Variants in OCRL observed in about 807,000 individuals in gnomAD.
The protein encoded by OCRL is OCRL inositol polyphosphate-5-phosphatase.
OCRL carries 8 observed loss-of-function variants against 78.9 expected under a neutral mutation model. The observed-to-expected ratio is 0.10, with a 90% CI of 0.06 to 0.18. The LOEUF (loss-of-function observed/expected upper bound fraction) is 0.18, where lower values mean the gene tolerates loss of function less well. Ranked by LOEUF, OCRL falls within the 10% of genes least tolerant of loss-of-function variation. The pLI is 1.00. For synonymous variants in OCRL, 240 were observed against 235.4 expected (o/e 1.02, Z -0.18); for missense variants, 454 against 696.7 (o/e 0.65, Z 3.92).
chrX:129,577,982 T>C (rs986565567), intron 18 of OCRL, among the ~76,000 whole-genome samples: 1 of 111,640 alleles, frequency 9.0e-6, no homozygotes, highest in Non-Finnish European at 1.9e-5. Context: ...AGCTTTTTAT[T>C]ATGAAAAATG....
At chrX:129,557,190 G>A (rs1936066143) in intron 4 of OCRL, 135 bp from the exon 5 acceptor site, 13 of 545,287 alleles carry the variant, frequency 2.4e-5, no homozygotes, top group Non-Finnish European at 3.7e-5. Flanking sequence ...GATCTTGTAT[G>A]TGTGCTTCCT....
chrX:129,548,949 A>G (rs1935924748), intron 4 of OCRL, among the ~76,000 whole-genome samples: 1 of 111,694 alleles, frequency 9.0e-6, no homozygotes, highest in Non-Finnish European at 1.9e-5. Flanking sequence ...TTATTGGTGG[A>G]GTTTTTTTGG....
intron 16 of OCRL, among the ~76,000 whole-genome samples, chrX:129,575,498 T>C (rs183953833): frequency 2.7e-5 from 3 of 112,144 alleles, no homozygotes; most frequent in African/African-American, 9.7e-5. Flanking sequence ...AGTTAATACA[T>C]GCAAAGCTCT....
At chrX:129,566,639 C>T (rs1936220761) in intron 13 of OCRL, among the ~76,000 whole-genome samples, 1 of 112,214 alleles carries the variant, frequency 8.9e-6, no homozygotes, top group African/African-American at 3.2e-5. Flanking sequence ...GTTATGAGAG[C>T]CTTTTCAACC....
chrX:129,541,299 C>T (rs1397307893), intron 2 of OCRL, among the ~76,000 whole-genome samples: 1 of 112,122 alleles, frequency 8.9e-6, no homozygotes, highest in African/African-American at 3.2e-5. Flanking sequence ...CCCTATTCAG[C>T]TGGTTTCTCC....
intron 4 of OCRL, among the ~76,000 whole-genome samples, chrX:129,556,521 G>A (rs1452815190): frequency 8.9e-6 from 1 of 111,964 alleles, no homozygotes; most frequent in Non-Finnish European, 1.9e-5. Flanking sequence ...TAATAAATCA[G>A]TTACAATAAG....
At chrX:129,546,169 A>G (rs1258292886) in intron 3 of OCRL, among the ~76,000 whole-genome samples, 1 of 112,497 alleles carries the variant, frequency 8.9e-6, no homozygotes, top group African/African-American at 3.2e-5. Context: ...CCATCCTTTC[A>G]GAGATAAACA....
At chrX:129,550,403 A>G (rs1310415847) in intron 4 of OCRL, among the ~76,000 whole-genome samples, 1 of 112,173 alleles carries the variant, frequency 8.9e-6, no homozygotes, top group East Asian at 2.8e-4. Flanking sequence ...TTTAAAAACC[A>G]AATATTTCAC....
rs1204553803 is a variant in OCRL at position 129,559,012 on chromosome X, C to T, written c.722+11C>T. The T allele has an allele frequency of 1.7e-6, 2 of 1,203,283 alleles. No homozygotes were observed. The highest frequency in any genetic ancestry group is 1.7e-5 in the African/African-American group (1 of 57,537). On this transcript the variant is annotated intron_variant, in intron 8 of 23. Coordinates refer to ENST00000371113, the MANE Select transcript of OCRL (RefSeq NM_000276.4). ...CATTCAGACTTTCAGGTTAGTGTCT[C>T]TTTTGCTTCCTGAGTCTAAAAAGTT... is the stretch of plus-strand genomic sequence containing the variant.
chrX:129,575,643 T>C, intron 16 of OCRL: 1 of 418,828 alleles, frequency 2.4e-6, no homozygotes, highest in Non-Finnish European at 4.2e-6. Context: ...AAGGTTGGGT[T>C]ACCCTCTTAG....
chrX:129,582,554 T>G (rs1450796865), intron 18 of OCRL, among the ~76,000 whole-genome samples: 1 of 112,579 alleles, frequency 8.9e-6, no homozygotes, highest in Non-Finnish European at 1.9e-5. Flanking sequence ...ATGTGTCAGA[T>G]AGATTCTTCA....
rs1202964628 is a variant in OCRL at position 129,557,449 on chromosome X, C to T, written c.349+14C>T. 1.7e-6 allele frequency: 2 copies of T among 1,167,718 alleles called. No homozygotes were observed. The highest frequency in any genetic ancestry group is 2.3e-6 in the Non-Finnish European group (2 of 856,607). Reference sequence around the variant, plus strand: ...CTGCTCAGAAAGGTAACTAAAGACTCAGCGATTTTCTTTCTTCTATTTCAA... The same window carrying T: ...CTGCTCAGAAAGGTAACTAAAGACTTAGCGATTTTCTTTCTTCTATTTCAA... On this transcript the variant is annotated intron_variant, in intron 5 of 23. Coordinates refer to ENST00000371113, the MANE Select transcript of OCRL (RefSeq NM_000276.4).
rs962254535 is a variant in OCRL, at chrX:129,544,815, C to T, written c.120-143C>T. The T allele has an allele frequency of 4.5e-5, 23 of 505,686 alleles. No homozygotes were observed. In the East Asian group the frequency reaches 8.4e-4, roughly 18 times the overall value. 41.7% of individuals were successfully genotyped at this position (505,686 alleles called of 1,213,427 possible). On this transcript the variant is annotated intron_variant, in intron 2 of 23. Coordinates refer to ENST00000371113, the MANE Select transcript of OCRL (RefSeq NM_000276.4). ...CTTTTAGGCCTAGAGCAATATCTAGCTGTCATGATGCTCAGATCCAGGGAA... is the reference window on the plus strand; with the variant it reads ...CTTTTAGGCCTAGAGCAATATCTAGTTGTCATGATGCTCAGATCCAGGGAA...
intron 18 of OCRL, among the ~76,000 whole-genome samples, chrX:129,580,583 A>G (rs1936426236): frequency 8.9e-6 from 1 of 112,518 alleles, no homozygotes; most frequent in African/African-American, 3.2e-5. Flanking sequence ...TGAACTTGCC[A>G]GATGTGGCTA....
chrX:129,560,550 A>AT lies in OCRL; in HGVS notation c.729dup (p.Val244CysfsTer13). The AT allele has an allele frequency of 8.5e-7, 1 of 1,173,492 alleles. No homozygotes were observed. ...ATTATCTTTTCGTATTATGTATTAG[A>AT]TTTTTTGTTGGAACTTGGAATGTGA... On this transcript the variant is annotated frameshift_variant and splice_region_variant, in exon 9 of 24. Coordinates refer to ENST00000371113, the MANE Select transcript of OCRL (RefSeq NM_000276.4). LOFTEE classifies it high-confidence loss of function.
In OCRL at chrX:129,552,517, C is replaced by T. The variant is rs1010426527; in HGVS notation, c.238+3916C>T. On this transcript the variant is annotated intron_variant, in intron 4 of 23. Transcript: ENST00000371113. ...TCAGCTCACTGCAACCTCTGCCTCC[C>T]GGGTTGAAGCTATTCCCCTGCCTCA... is the stretch of plus-strand genomic sequence containing the variant. Among the ~76,000 whole-genome samples, 10 of 111,819 alleles carry T rather than the reference C, an allele frequency of 8.9e-5. No individual in the cohort carries two copies. In the East Asian group the frequency reaches 1.4e-3, roughly 16 times the overall value.
chrX:129,567,902 C>CTTT (rs56035022), intron 14 of OCRL, among the ~76,000 whole-genome samples: 52 of 91,371 alleles, frequency 5.7e-4, no homozygotes, highest in African/African-American at 7.7e-4. Flanking sequence ...TTAGTAGACC[C>CTTT]TTTTTTTTTT....
Position 129,557,442 on chromosome X carries a change from A to G in OCRL, c.349+7A>G. ...GTCCTTGCTGCTCAGAAAGGTAACT[A>G]AAGACTCAGCGATTTTCTTTCTTCT... On this transcript the variant is annotated splice_region_variant and intron_variant, in intron 5 of 23. Transcript: ENST00000371113. The G allele has an allele frequency of 1.7e-6, 2 of 1,176,525 alleles. No homozygotes were observed. Among genetic ancestry groups the G allele is most frequent in the Non-Finnish European group, 2.3e-6 (2 of 864,192 alleles).
chrX:129,584,909 T>G (rs2082130150), intron 19 of OCRL, among the ~76,000 whole-genome samples: 3 of 111,977 alleles, frequency 2.7e-5, no homozygotes, highest in African/African-American at 9.8e-5. Flanking sequence ...TTCTAATAGA[T>G]GAGACAACCA....
Sources: gnomAD v4.1 joint callset for allele counts (sites outside exome capture counted in the v4.1 genomes callset) on GRCh38, gnomAD v4.1.1 for gene constraint, MANE v1.5 for transcripts, NCBI Gene and HGNC (gene_info 2026-07-23, HGNC 2026-07-21) for gene names.